PCDHA7: variants seen among roughly 807,000 people sequenced by gnomAD.
The protein encoded by PCDHA7 is protocadherin alpha-7.
In PCDHA7, 37 loss-of-function variants were observed where a neutral mutation model predicts 57.2. The ratio of observed to expected loss-of-function variants is 0.65; its 90% CI spans 0.50 to 0.85. The LOEUF is 0.85. PCDHA7 is among the 40% of genes least tolerant of loss of function. The probability of loss-of-function intolerance (pLI) is 0.00; values close to 1 mark genes in which losing one functional copy is unlikely to be tolerated. For missense variants in PCDHA7, 1,188 were observed against 1,241.8 expected (o/e 0.96, Z 0.65); for synonymous variants, 553 against 558.8 (o/e 0.99, Z 0.15).
intron 1 of PCDHA7, among the ~76,000 whole-genome samples, chr5:140,973,210 C>T (rs112667484): frequency 0.028 from 4,273 of 152,266 alleles, 188 homozygotes; most frequent in African/African-American, 0.096. Flanking sequence ...CATATTCACC[C>T]TAATTCCAGG....
intron 1 of PCDHA7, chr5:140,862,641 A>C (rs529897830): frequency 1.7e-5 from 9 of 540,658 alleles, no homozygotes; most frequent in Admixed American, 9.7e-5. Context: ...ACGACTTCAC[A>C]GTGTCCGCGC....
chr5:140,891,433 G>A (rs1256174929), intron 1 of PCDHA7, among the ~76,000 whole-genome samples: 1 of 145,874 alleles, frequency 6.9e-6, no homozygotes, highest in African/African-American at 2.6e-5. Flanking sequence ...AGTCCCCAAC[G>A]TCCATTGTAT....
intron 1 of PCDHA7, chr5:140,927,490 C>T: frequency 3.1e-6 from 5 of 1,614,132 alleles, no homozygotes; most frequent in Non-Finnish European, 4.2e-6. Context: ...CGCCACCCAC[C>T]TGCTGGTGCT....
At chr5:140,953,126 C>T (rs1284922743) in intron 1 of PCDHA7, among the ~76,000 whole-genome samples, 2 of 152,096 alleles carry the variant, frequency 1.3e-5, no homozygotes, top group African/African-American at 2.4e-5. Flanking sequence ...AGATCTAAAC[C>T]GTATCACTGT....
At chr5:140,883,853 G>C in intron 1 of PCDHA7, 2 of 1,613,002 alleles carry the variant, frequency 1.2e-6, no homozygotes, top group Middle Eastern at 1.9e-4. Flanking sequence ...CGAGGAGCTG[G>C]AGCTGTTGCA....
intron 1 of PCDHA7, among the ~76,000 whole-genome samples, chr5:140,939,940 C>G (rs1438905083): frequency 6.6e-6 from 1 of 152,140 alleles, no homozygotes; most frequent in Non-Finnish European, 1.5e-5. Context: ...TTATCAGTTA[C>G]TGAGAAAATT....
chr5:140,879,055 A>C (rs1048447920), intron 1 of PCDHA7, among the ~76,000 whole-genome samples: 2 of 152,214 alleles, frequency 1.3e-5, no homozygotes, highest in Non-Finnish European at 2.9e-5. Context: ...ACAACATTTT[A>C]CCAAGAAAGT....
intron 1 of PCDHA7, chr5:140,876,163 A>AC (rs782492210): frequency 6.2e-7 from 1 of 1,613,966 alleles, no homozygotes; most frequent in South Asian, 1.1e-5. Flanking sequence ...GATTCAAATA[A>AC]CCGTCCTGGA....
intron 1 of PCDHA7, chr5:140,850,352 C>A: frequency 6.3e-7 from 1 of 1,597,824 alleles, no homozygotes; most frequent in Non-Finnish European, 8.6e-7. Context: ...CCAGCGCGAG[C>A]ATCCCGTTCC....
intron 1 of PCDHA7, among the ~76,000 whole-genome samples, chr5:140,949,849 G>A (rs1381006146): frequency 5.9e-5 from 9 of 151,472 alleles, no homozygotes; most frequent in Admixed American, 2.0e-4. Flanking sequence ...TTCTGTTTCC[G>A]CTTATCTGTT....
chr5:140,962,155 G>A (rs977043867), intron 1 of PCDHA7, among the ~76,000 whole-genome samples: 8 of 152,060 alleles, frequency 5.3e-5, no homozygotes, highest in South Asian at 2.1e-4. Flanking sequence ...GATTACAGGC[G>A]TGAGCCACCA....
intron 1 of PCDHA7, among the ~76,000 whole-genome samples, chr5:140,978,590 A>G (rs192815977): frequency 2.0e-4 from 31 of 152,334 alleles, no homozygotes; most frequent in African/African-American, 7.5e-4. Context: ...TGTTCCCTTA[A>G]TGGGGCACTT....
intron 1 of PCDHA7, among the ~76,000 whole-genome samples, chr5:140,947,550 G>A (rs967081376): frequency 7.3e-5 from 11 of 151,402 alleles, no homozygotes; most frequent in Admixed American, 3.9e-4. Flanking sequence ...AAAGAATTCC[G>A]CTGGGATTTA....
Position 140,928,590 on chromosome 5 carries a change from A to G in PCDHA7, c.2356-50359A>G, listed in dbSNP as rs78699363. The G allele has an allele frequency of 6.8e-4, 1,101 of 1,614,224 alleles. 1 individual carries two copies. Among genetic ancestry groups the G allele is most frequent in the Non-Finnish European group, 8.8e-4 (1,041 of 1,180,028 alleles). On this transcript the variant is annotated intron_variant, in intron 1 of 3. Coordinates refer to ENST00000525929, the MANE Select transcript of PCDHA7 (RefSeq NM_018910.3). ...CCTTGCCCAGAAATGGTTCTGTCCC[A>G]GTGGAAATTGTGCCCCGCTCTGCCA...
intron 1 of PCDHA7, among the ~76,000 whole-genome samples, chr5:140,943,674 A>G (rs1401531217): frequency 6.6e-6 from 1 of 152,240 alleles, no homozygotes; most frequent in Non-Finnish European, 1.5e-5. Context: ...TAAAGTGTGA[A>G]AAAAAGGGAT....
At chr5:140,996,752 G>T (rs1454271001) in intron 3 of PCDHA7, among the ~76,000 whole-genome samples, 4 of 152,090 alleles carry the variant, frequency 2.6e-5, no homozygotes, top group African/African-American at 7.2e-5. Context: ...AATTATATCT[G>T]TGCAGGACTA....
chr5:140,839,021 A>G (rs1403087386), intron 1 of PCDHA7, among the ~76,000 whole-genome samples: 1 of 152,058 alleles, frequency 6.6e-6, no homozygotes, highest in East Asian at 1.9e-4. Flanking sequence ...TTATTTTAGG[A>G]TATGTTACTG....
intron 1 of PCDHA7, chr5:140,870,941 C>CGGCG (rs782621545): frequency 1.2e-6 from 2 of 1,613,594 alleles, no homozygotes; most frequent in Non-Finnish European, 1.7e-6. Context: ...TTGCAGCCGG[C>CGGCG]GGCGGGCGGC....
chr5:140,898,358 A>T (rs2153460143), intron 1 of PCDHA7, among the ~76,000 whole-genome samples: 1 of 152,260 alleles, frequency 6.6e-6, no homozygotes, highest in Non-Finnish European at 1.5e-5. Flanking sequence ...TCTTGAATTA[A>T]TTTTTGTATA....
Sources: allele counts gnomAD v4.1 joint callset (sites outside exome capture counted in the v4.1 genomes callset), GRCh38; gene constraint gnomAD v4.1.1; transcripts MANE v1.5; gene names NCBI Gene and HGNC (gene_info 2026-07-23, HGNC 2026-07-21).